Variants in DHRS11 observed in about 807,000 individuals in gnomAD.
DHRS11 encodes dehydrogenase/reductase SDR family member 11.
DHRS11 carries 18 observed loss-of-function variants against 30.7 expected under a neutral mutation model. The ratio of observed to expected loss-of-function variants is 0.59; its 90% CI spans 0.41 to 0.87. DHRS11 has a LOEUF of 0.87. Ranked by LOEUF, DHRS11 falls within the 40% of genes least tolerant of loss-of-function variation. DHRS11 has a pLI of 0.00. For synonymous variants in DHRS11, 123 were observed against 139.6 expected, an observed-to-expected ratio of 0.88 and a Z score of 0.84; for missense variants, 300 against 349.0, an observed-to-expected ratio of 0.86 and a Z score of 1.12.
At chr17:36,594,945 A>T in intron 1 of DHRS11, 26 bp from the exon 2 acceptor site, 2 of 1,613,640 alleles carry the variant, frequency 1.2e-6, no homozygotes, top group Non-Finnish European at 1.7e-6. Flanking sequence ...TGCTCACCCC[A>T]GTCAGACCCC....
At chr17:36,594,020 G>A (rs2074789169) in intron 1 of DHRS11, among the ~76,000 whole-genome samples, 1 of 152,212 alleles carries the variant, frequency 6.6e-6, no homozygotes, top group Non-Finnish European at 1.5e-5. Context: ...AATGGCACCT[G>A]CCACCTGAAT....
intron 1 of DHRS11, among the ~76,000 whole-genome samples, chr17:36,594,362 G>A (rs2074791904): frequency 6.6e-6 from 1 of 152,158 alleles, no homozygotes; most frequent in Non-Finnish European, 1.5e-5. Flanking sequence ...TTGAGGAAGA[G>A]GCAGAAAAGA....
At position 36,599,750 on chromosome 17, in the gene DHRS11, A is replaced by G. The variant is rs765339915; in HGVS notation, c.662A>G (p.Tyr221Cys). ...DKDPEKAAAT[Y>C]EQMKCLKPED... Reference sequence around the variant, plus strand: ...GACCCTGAGAAGGCAGCTGCCACCTATGAGCAAATGAAGGTGGGGCCTCCC... The same window carrying G: ...GACCCTGAGAAGGCAGCTGCCACCTGTGAGCAAATGAAGGTGGGGCCTCCC... Residue 221 changes from tyrosine (Y) to cysteine (C), a missense_variant, in exon 5 of 7, where the codon TAT (tyrosine) becomes TGT (cysteine). Tyr to Cys is a radical substitution (Grantham distance 194). Coordinates refer to ENST00000618403, the MANE Select transcript of DHRS11 (RefSeq NM_024308.4). The G allele has an allele frequency of 1.9e-6, 3 of 1,614,148 alleles. No individual in the cohort carries two copies. The Admixed American group carries it at 5.0e-5, about 27-fold the overall frequency.
At chr17:36,599,338 GGGACTCT>G in intron 4 of DHRS11, 1 of 550,490 alleles carries the variant, frequency 1.8e-6, no homozygotes, top group Non-Finnish European at 3.2e-6. Flanking sequence ...GCTGGAAACC[GGGACTCT>G]GGGCTCTTCT....
intron 3 of DHRS11, 166 bp from the exon 4 acceptor site, chr17:36,598,755 A>C: frequency 1.1e-6 from 1 of 895,250 alleles, no homozygotes; most frequent in Non-Finnish European, 1.7e-6. Flanking sequence ...AAGCTGTTTG[A>C]ATAACCAAAA....
Position 36,600,217 on chromosome 17 carries a change from TC to T in DHRS11, c.*16del. The T allele has an allele frequency of 6.2e-7, 1 of 1,614,100 alleles. No homozygotes were observed. The highest frequency in any genetic ancestry group is 1.1e-5 in the South Asian group (1 of 91,064). On this transcript the variant is annotated 3_prime_UTR_variant, in exon 7 of 7. Transcript: ENST00000618403. ...CAGGTGACCTAGTGACTGTGGGAGCTCCTCCTTCCCTCCCCACCCTTCATGG... is the reference window on the plus strand; with the variant it reads ...CAGGTGACCTAGTGACTGTGGGAGCTCTCCTTCCCTCCCCACCCTTCATGG...
rs768678836 is a variant in DHRS11 at position 36,594,965 on chromosome 17, T to C, written c.148-6T>C. On this transcript the variant is annotated splice_polypyrimidine_tract_variant and splice_region_variant and intron_variant, in intron 1 of 6. Transcript: ENST00000618403. ...ACCCCAGTCAGACCCCTGTTGGGTT[T>C]CATAGGAGCTGGCTGCTGAATGTAA... 4 of 1,614,068 alleles carry C rather than the reference T, an allele frequency of 2.5e-6. No individual in the cohort carries two copies. Among genetic ancestry groups the C allele is most frequent in the Non-Finnish European group, 2.5e-6 (3 of 1,179,998 alleles).
rs764010209 is a variant in DHRS11, at chr17:36,592,378, C to T, written c.147+222C>T. On this transcript the variant is annotated intron_variant, in intron 1 of 6. Transcript: ENST00000618403. The surrounding 1 kb of genome is among the most constrained non-coding windows in gnomAD (Gnocchi z 4.4). ...TCTCCGACCCCGGCATCTCCCCACC[C>T]GCCCCTCGGGTCTCCCCAGGGTATT... 1.1e-4 allele frequency among the ~76,000 whole-genome samples: 17 copies of T among 152,244 alleles called. No individual in the cohort carries two copies. The highest frequency in any genetic ancestry group is 1.6e-4 in the Non-Finnish European group (11 of 68,038).
rs1567841223 is a variant in DHRS11 at position 36,595,170 on chromosome 17, AC to A, written c.348del (p.Asp116GlufsTer5). On this transcript the variant is annotated frameshift_variant, in exon 2 of 7. Transcript: ENST00000618403. LOFTEE classifies it high-confidence loss of function. ...LLSGSTSGWK[D>X]MFNVNVLALS... ...TCAGGCAGCACCAGTGGTTGGAAGG[AC>A]ATGTTCAATGTAAGAGCTCCAAGCC... is the stretch of plus-strand genomic sequence containing the variant. 1 of 1,613,436 alleles carries A rather than the reference AC, an allele frequency of 6.2e-7. No individual in the cohort carries two copies. Among genetic ancestry groups the A allele is most frequent in the South Asian group, 1.1e-5 (1 of 91,046 alleles).
Position 36,600,359 on chromosome 17 carries a change from C to A in DHRS11, c.*156C>A. ...GTTTGAGATTTTTATATCATCTTGT[C>A]AAATTGCTTCAGTTGTAAATGTGAA... is the stretch of plus-strand genomic sequence containing the variant. On this transcript the variant is annotated 3_prime_UTR_variant, in exon 7 of 7. Coordinates refer to ENST00000618403, the MANE Select transcript of DHRS11 (RefSeq NM_024308.4). The A allele has an allele frequency of 1.2e-6, 1 of 806,950 alleles. No individual in the cohort carries two copies. Among genetic ancestry groups the A allele is most frequent in the South Asian group, 1.8e-5 (1 of 57,080 alleles). 50.0% of individuals were successfully genotyped at this position (806,950 alleles called of 1,614,324 possible).
chr17:36,599,108 A>C, intron 4 of DHRS11, 58 bp downstream of exon 4: 1 of 1,575,078 alleles, frequency 6.3e-7, no homozygotes, highest in Non-Finnish European at 8.6e-7. Flanking sequence ...CCCCACCCAC[A>C]CACACCGTTC....
chr17:36,600,154 T>C lies in DHRS11; in HGVS notation c.742-8T>C. The C allele has an allele frequency of 6.3e-7, 1 of 1,595,548 alleles. No homozygotes were observed. The highest frequency in any genetic ancestry group is 1.3e-5 in the African/African-American group (1 of 74,120). The stretch of plus-strand genomic sequence containing the variant: ...TCACAGCTGCCTCATGCCTTGTACC[T>C]TCCACAGATTGGAGACATCCAGATG... On this transcript the variant is annotated splice_polypyrimidine_tract_variant and splice_region_variant and intron_variant, in intron 6 of 6. Transcript: ENST00000618403.
At chr17:36,594,790 C>T (rs2074795676) in intron 1 of DHRS11, 181 bp from the exon 2 acceptor site, 1 of 632,828 alleles carries the variant, frequency 1.6e-6, no homozygotes. Context: ...CACTGTCATC[C>T]CTTAGACTTT....
In DHRS11 at chr17:36,599,992, G is replaced by A. The variant is rs1323111769; in HGVS notation, c.696G>A (p.Val232=). 6.2e-7 allele frequency: 1 copy of A among 1,613,556 alleles called. No individual in the cohort carries two copies. Among genetic ancestry groups the A allele is most frequent in the Non-Finnish European group, 8.5e-7 (1 of 1,179,888 alleles). The change falls in exon 6 of 7, where the codon GTG becomes GTA. Residue 232 remains valine (V), a synonymous_variant. Coordinates refer to ENST00000618403, the MANE Select transcript of DHRS11 (RefSeq NM_024308.4). ...EQMKCLKPED[V]AEAVIYVLST... ...CTCAGTGTCTCAAACCCGAGGATGT[G>A]GCCGAGGCTGTTATCTACGTCCTCA... is the stretch of plus-strand genomic sequence containing the variant.
At chr17:36,599,210 C>A in intron 4 of DHRS11, 160 bp downstream of exon 4, 1 of 1,139,004 alleles carries the variant, frequency 8.8e-7, no homozygotes, top group Non-Finnish European at 1.2e-6. Context: ...TGGCCCTATG[C>A]AGCCCTTCAT....
chr17:36,600,021 C>T lies in DHRS11; in HGVS notation c.725C>T (p.Thr242Ile). Residue 242 changes from threonine to isoleucine, a missense_variant, in exon 6 of 7, where the codon ACC becomes ATC. By Grantham distance (89) the Thr-to-Ile change is moderately conservative (BLOSUM62 -1). Transcript: ENST00000618403. ...VAEAVIYVLS[T>I]PAHIQIGDIQ... Reference sequence around the variant, plus strand: ...GAGGCTGTTATCTACGTCCTCAGCACCCCCGCACACATCCAGGTGAGTCTG... The same window carrying T: ...GAGGCTGTTATCTACGTCCTCAGCATCCCCGCACACATCCAGGTGAGTCTG... 3 of 1,613,850 alleles carry T rather than the reference C, an allele frequency of 1.9e-6. No homozygotes were observed. The highest frequency in any genetic ancestry group is 1.3e-5 in the African/African-American group (1 of 75,032).
At position 36,595,179 on chromosome 17, in the gene DHRS11, A is replaced by G. The variant is rs772013706; in HGVS notation, c.356A>G (p.Asn119Ser). Reference protein sequence around the residue: ...GSTSGWKDMFNVNVLALSICT... With the variant: ...GSTSGWKDMFSVNVLALSICT... ...ACCAGTGGTTGGAAGGACATGTTCAATGTAAGAGCTCCAAGCCTCCATCTT... is the reference window on the plus strand; with the variant it reads ...ACCAGTGGTTGGAAGGACATGTTCAGTGTAAGAGCTCCAAGCCTCCATCTT... The change falls in exon 2 of 7, where the codon AAT becomes AGT. Residue 119 changes from asparagine (N) to serine (S), a missense_variant and splice_region_variant. Transcript: ENST00000618403. 19 of 1,613,012 alleles carry G rather than the reference A, an allele frequency of 1.2e-5. No homozygotes were observed. Among genetic ancestry groups the G allele is most frequent in the African/African-American group, 2.7e-5 (2 of 74,874 alleles).
chr17:36,598,075 GC>G (rs2074825441), intron 2 of DHRS11, 87 bp from the exon 3 acceptor site: 2 of 1,359,292 alleles, frequency 1.5e-6, no homozygotes, highest in African/African-American at 1.4e-5. Context: ...ATGCCACACT[GC>G]CCCCTTCCCC....
In DHRS11 at chr17:36,592,507, A is replaced by G. The variant is rs2142809228; in HGVS notation, c.147+351A>G. Among the ~76,000 whole-genome samples, 1 of 152,316 alleles carries G rather than the reference A, an allele frequency of 6.6e-6. No individual in the cohort carries two copies. The highest frequency in any genetic ancestry group is 2.4e-5 in the African/African-American group (1 of 41,586). ...CTCTAATCTCCAGAAGTCACCCACC[A>G]CGCAGGGCAAGGTGGCTGGCCAACC... On this transcript the variant is annotated intron_variant, in intron 1 of 6. Transcript: ENST00000618403. This position sits in a 1 kb window ranked among gnomAD's most constrained non-coding sequence, Gnocchi z 4.4.
Sources: gnomAD v4.1 joint callset for allele counts (sites outside exome capture counted in the v4.1 genomes callset) on GRCh38, gnomAD v4.1.1 for gene constraint, Gnocchi (gnomAD v3.1) non-coding constraint, MANE v1.5 for transcripts, NCBI Gene and HGNC (gene_info 2026-07-23, HGNC 2026-07-21) for gene names.